The following SPATA31F3 variants were observed in gnomAD, a reference collection of about 807,000 sequenced individuals.
SPATA31F3 encodes protein SPATA31F3.
At chr9:34,892,311 A>G in the SPATA31F3 span, among the ~76,000 whole-genome samples, 5 of 152,230 alleles carry the variant, frequency 3.3e-5, no homozygotes, top group Non-Finnish European at 7.3e-5. Context: ...CTAGCCTCCC[A>G]TGAAACCCAG....
chr9:34,893,040 T>C, the SPATA31F3 span: 1 of 946,912 alleles, frequency 1.1e-6, no homozygotes, highest in Non-Finnish European at 1.6e-6. Context: ...ATCTGGTTGT[T>C]CTCACCTGCC....
At chr9:34,889,848 C>G in the SPATA31F3 span, among the ~76,000 whole-genome samples, 1 of 152,256 alleles carries the variant, frequency 6.6e-6, no homozygotes, top group East Asian at 1.9e-4. Flanking sequence ...AAGTAATGGC[C>G]CAGTAAGTTG....
At chr9:34,892,195 A>G in the SPATA31F3 span, among the ~76,000 whole-genome samples, 1 of 152,130 alleles carries the variant, frequency 6.6e-6, no homozygotes. Flanking sequence ...GAAAGAGAGG[A>G]GAGGGTAGAG....
At chr9:34,889,763 A>G in the SPATA31F3 span, 2 of 397,052 alleles carry the variant, frequency 5.0e-6, no homozygotes, top group East Asian at 3.6e-5. Flanking sequence ...GCCCTGAACT[A>G]TTTGACCCTG....
chr9:34,891,771 G>C, the SPATA31F3 span, among the ~76,000 whole-genome samples: 1 of 152,192 alleles, frequency 6.6e-6, no homozygotes. Flanking sequence ...GCTGCAACAT[G>C]TCTCAGGGCT....
the SPATA31F3 span, among the ~76,000 whole-genome samples, chr9:34,893,561 G>A: frequency 2.4e-4 from 37 of 151,302 alleles, no homozygotes; most frequent in South Asian, 3.6e-3. Flanking sequence ...AGATTGTGCC[G>A]TTGTACTCCA....
the SPATA31F3 span, among the ~76,000 whole-genome samples, chr9:34,894,086 G>A: frequency 6.6e-6 from 1 of 152,210 alleles, no homozygotes; most frequent in South Asian, 2.1e-4. Context: ...AGGGAATAAA[G>A]AGAATAAGAC....
chr9:34,891,010 T>G, the SPATA31F3 span, among the ~76,000 whole-genome samples: 1 of 152,174 alleles, frequency 6.6e-6, no homozygotes, highest in Non-Finnish European at 1.5e-5. Flanking sequence ...GATTGTGGAT[T>G]CGTGAGTGAT....
chr9:34,889,999 G>A, the SPATA31F3 span, among the ~76,000 whole-genome samples: 1 of 152,168 alleles, frequency 6.6e-6, no homozygotes. Context: ...GATGCTCTTG[G>A]AACTCAAGGT....
At chr9:34,890,167 T>C in the SPATA31F3 span, among the ~76,000 whole-genome samples, 1 of 152,308 alleles carries the variant, frequency 6.6e-6, no homozygotes, top group East Asian at 1.9e-4. Context: ...ATTTGGCAAG[T>C]TGTGAGCTCT....
chr9:34,889,100 C>A, the SPATA31F3 span: 1 of 398,556 alleles, frequency 2.5e-6, no homozygotes, highest in Non-Finnish European at 4.4e-6. Flanking sequence ...TTGGAGAATG[C>A]CCTGCTTCAC....
chr9:34,894,964 G>T, the SPATA31F3 span: 1 of 398,204 alleles, frequency 2.5e-6, no homozygotes, highest in South Asian at 1.3e-4. Flanking sequence ...TTAGCAGCAG[G>T]GGTCATAGAG....
At chr9:34,894,608 G>A in the SPATA31F3 span, 11 of 397,606 alleles carry the variant, frequency 2.8e-5, no homozygotes, top group Non-Finnish European at 4.0e-5. Flanking sequence ...AAACCCCAGA[G>A]TCAGAACACT....
the SPATA31F3 span, among the ~76,000 whole-genome samples, chr9:34,889,872 T>C: frequency 6.6e-6 from 1 of 152,226 alleles, no homozygotes. Context: ...CTTTAAGCTC[T>C]GGGCACTCCC....
the SPATA31F3 span, among the ~76,000 whole-genome samples, chr9:34,893,616 AAAAAG>A: frequency 2.0e-5 from 3 of 151,966 alleles, no homozygotes; most frequent in Non-Finnish European, 2.9e-5. Context: ...AAAAAAAAGA[AAAAAG>A]AAAAGAAAAA....
At chr9:34,893,003 T>C in the SPATA31F3 span, 1 of 806,356 alleles carries the variant, frequency 1.2e-6, no homozygotes, top group South Asian at 1.6e-5. Context: ...AGAGGAGCCC[T>C]GTGATGGCCC....
At chr9:34,892,694 G>T in the SPATA31F3 span, 9,194 of 459,142 alleles carry the variant, frequency 0.02, 472 homozygotes, top group African/African-American at 0.13. Context: ...GTTGTTTTTC[G>T]TCCTCTCCTG....
chr9:34,889,699 A>G, the SPATA31F3 span: 1 of 398,090 alleles, frequency 2.5e-6, no homozygotes, highest in Non-Finnish European at 4.4e-6. Context: ...TCTTAGCCCT[A>G]GAAAGTGTGG....
chr9:34,895,087 TAAAGAC>T, the SPATA31F3 span: 1 of 398,582 alleles, frequency 2.5e-6, no homozygotes, highest in Admixed American at 4.4e-5. Context: ...CGGTGACACT[TAAAGAC>T]AAAAACATTA....
Sources: gnomAD v4.1 joint callset for allele counts (sites outside exome capture counted in the v4.1 genomes callset) on GRCh38, gnomAD v4.1.1 for gene constraint, MANE v1.5 for transcripts, NCBI Gene and HGNC (gene_info 2026-07-23, HGNC 2026-07-21) for gene names.